ZNF668: variants seen among roughly 807,000 people sequenced by gnomAD.
ZNF668 encodes zinc finger protein 668.
In ZNF668, 10 loss-of-function variants were observed where a neutral mutation model predicts 40.3. The observed-to-expected ratio is 0.25, with a 90% CI of 0.15 to 0.42. The LOEUF is 0.42. Among genes scored for constraint, ZNF668 ranks in the 10% least tolerant of loss-of-function variants. The pLI is 1.00. For synonymous variants in ZNF668, 428 were observed against 384.6 expected (o/e 1.11, Z -1.32); for missense variants, 749 against 904.6 (o/e 0.83, Z 2.21).
chr16:31,063,203 G>A (rs1329417395), intron 2 of ZNF668, among the ~76,000 whole-genome samples: 1 of 152,060 alleles, frequency 6.6e-6, no homozygotes, highest in African/African-American at 2.4e-5. Flanking sequence ...CCTGACCATA[G>A]CTCACTGCAG....
chr16:31,064,825 C>T, intron 1 of ZNF668: 3 of 1,453,014 alleles, frequency 2.1e-6, no homozygotes, highest in Non-Finnish European at 1.8e-6. Flanking sequence ...GCTCAGTGTC[C>T]AAGAACTATG....
In ZNF668 at chr16:31,065,921, T is replaced by C. The variant is rs537438125; in HGVS notation, c.-22-1440A>G. On this transcript the variant is annotated intron_variant, in intron 1 of 2. Coordinates refer to ENST00000300849, the MANE Select transcript of ZNF668 (RefSeq NM_024706.5). Reference sequence around the variant, plus strand: ...TTAGGGGTTGGTGGCTTCTAAGTTATGACACTGGGGTTCAGGAGGAGGAAA... The same window carrying C: ...TTAGGGGTTGGTGGCTTCTAAGTTACGACACTGGGGTTCAGGAGGAGGAAA... 2.3e-5 allele frequency: 14 copies of C among 613,914 alleles called. No individual in the cohort carries two copies. In the African/African-American group the frequency reaches 2.4e-4, roughly 11 times the overall value. The allele number at this position is 613,914 out of a possible 1,614,324, so 38.0% of individuals were successfully genotyped here.
Position 31,061,027 on chromosome 16 carries a change from G to T in ZNF668, c.*41C>A, listed in dbSNP as rs781230042. ...AGGAGGTACAGGAAGCCCCCGATGG[G>T]GGCTGGGCTCCCGGAGTGTGGTGCT... On this transcript the variant is annotated 3_prime_UTR_variant, in exon 3 of 3. Coordinates refer to ENST00000300849, the MANE Select transcript of ZNF668 (RefSeq NM_024706.5). This position sits in a 1 kb window ranked among gnomAD's most constrained non-coding sequence, Gnocchi z 7.7. 2 of 1,442,854 alleles carry T rather than the reference G, an allele frequency of 1.4e-6. No homozygotes were observed. The highest frequency in any genetic ancestry group is 1.8e-6 in the Non-Finnish European group (2 of 1,096,794). 89.4% of individuals were successfully genotyped at this position (1,442,854 alleles called of 1,614,324 possible).
chr16:31,066,502 A>C (rs2056982526), intron 1 of ZNF668: 1 of 401,088 alleles, frequency 2.5e-6, no homozygotes, highest in African/African-American at 2.2e-5. Context: ...GGCTGCAGGG[A>C]ACTATGATCG....
rs1463088982 is a variant in ZNF668 at position 31,070,599 on chromosome 16, G to T, written c.-23+3060C>A. 4.0e-5 allele frequency among the ~76,000 whole-genome samples: 6 copies of T among 151,804 alleles called. No homozygotes were observed. In the South Asian group the frequency reaches 1.2e-3, roughly 32 times the overall value. On this transcript the variant is annotated intron_variant, in intron 1 of 2. Coordinates refer to ENST00000300849, the MANE Select transcript of ZNF668 (RefSeq NM_024706.5). ...CTTGTTGCCAAGGCTGGAGTGCAAT[G>T]GCACCATCTCTGCTCACTCCAACCT... is the stretch of plus-strand genomic sequence containing the variant.
rs9924515 is a variant in ZNF668, at chr16:31,064,981, T to C, written c.-22-500A>G. The C allele has an allele frequency of 1.1e-3, 1,354 of 1,227,632 alleles. 16 individuals carry two copies. The African/African-American group carries it at 0.02, about 18-fold the overall frequency. The allele number at this position is 1,227,632 out of a possible 1,614,324, so 76.0% of individuals were successfully genotyped here. A position where few individuals can be genotyped will look rare whatever the true frequency, so the allele number is the denominator to read the frequency against. On this transcript the variant is annotated intron_variant, in intron 1 of 2. Transcript: ENST00000300849. ...TCTGGAAGTGACAGGTCCCCAGCAT[T>C]TGTGTTTTCTTTCCTCCTCTGGATG...
chr16:31,067,035 T>C (rs1218626770), intron 1 of ZNF668, among the ~76,000 whole-genome samples: 1 of 152,030 alleles, frequency 6.6e-6, no homozygotes, highest in African/African-American at 2.4e-5. Context: ...CTGGGCGATA[T>C]AGCAAAATCC....
At chr16:31,066,453 A>T (rs2056982237) in intron 1 of ZNF668, 2 of 856,070 alleles carry the variant, frequency 2.3e-6, no homozygotes, top group Non-Finnish European at 2.8e-6. Context: ...GCTACGTGGG[A>T]GGCTGAGGCG....
intron 1 of ZNF668, chr16:31,069,109 C>T (rs901227034): frequency 1.3e-5 from 2 of 152,194 alleles, no homozygotes; most frequent in Non-Finnish European, 2.9e-5. Flanking sequence ...CAGGTTGAAT[C>T]ATGAGACTTC....
At chr16:31,073,313 G>A (rs2143786283) in intron 1 of ZNF668, 1 of 152,572 alleles carries the variant, frequency 6.6e-6, no homozygotes, top group Non-Finnish European at 1.5e-5. Context: ...AGCAGGGGAG[G>A]GGGCCGCCGG....
At position 31,064,207 on chromosome 16, in the gene ZNF668, C is replaced by T; in HGVS notation, c.253G>A (p.Ala85Thr). ...SGSAAKPRPY[A>T]CPLCPKAYKT... ...TAGGCCTTGGGGCATAGCGGACACGCATAGGGCCTAGGCTTGGCCGCGGAG... is the reference window on the plus strand; with the variant it reads ...TAGGCCTTGGGGCATAGCGGACACGTATAGGGCCTAGGCTTGGCCGCGGAG... The change falls in exon 2 of 3, where the codon GCG becomes ACG. Residue 85 changes from alanine to threonine, a missense_variant. Coordinates refer to ENST00000300849, the MANE Select transcript of ZNF668 (RefSeq NM_024706.5). The T allele has an allele frequency of 6.2e-7, 1 of 1,612,970 alleles. No individual in the cohort carries two copies.
chr16:31,064,921 C>T (rs1234231830), intron 1 of ZNF668: 98 of 1,383,586 alleles, frequency 7.1e-5, no homozygotes, highest in Non-Finnish European at 8.6e-5. Flanking sequence ...CAGAAAAGGG[C>T]TGAGCCAATG....
chr16:31,061,398 G>A lies in ZNF668; in HGVS notation c.1530C>T (p.Asp510=), dbSNP rs1265366548. The part of the protein sequence containing the change: ...GAGEAGGEEA[D]EKPPQFVCRE... ...GGCACACAAACTGGGGGGGCTTCTC[G>A]TCAGCCTCCTCACCCCCCGCCTCGC... Residue 510 remains aspartate (D), a synonymous_variant, in exon 3 of 3, where the codon GAC becomes GAT. Coordinates refer to ENST00000300849, the MANE Select transcript of ZNF668 (RefSeq NM_024706.5). The surrounding 1 kb of genome is among the most constrained non-coding windows in gnomAD (Gnocchi z 7.7). 1.9e-6 allele frequency: 3 copies of A among 1,613,818 alleles called. No individual in the cohort carries two copies. The highest frequency in any genetic ancestry group is 2.2e-5 in the East Asian group (1 of 44,886).
At chr16:31,073,310 GA>G in intron 1 of ZNF668, 1 of 152,620 alleles carries the variant, frequency 6.6e-6, no homozygotes, top group Non-Finnish European at 1.5e-5. Context: ...CTCAGCAGGG[GA>G]GGGGGCCGCC....
chr16:31,071,785 A>T (rs1350949959), intron 1 of ZNF668, among the ~76,000 whole-genome samples: 1 of 152,176 alleles, frequency 6.6e-6, no homozygotes, highest in Non-Finnish European at 1.5e-5. Flanking sequence ...TTATGGTGTC[A>T]TCTGGACAAT....
intron 1 of ZNF668, chr16:31,064,788 C>T (rs1242774275): frequency 6.8e-7 from 1 of 1,478,758 alleles, no homozygotes; most frequent in Non-Finnish European, 8.9e-7. Context: ...GCCCAGGTTC[C>T]ATCTGTCTCA....
intron 1 of ZNF668, among the ~76,000 whole-genome samples, chr16:31,065,862 A>T (rs907566549): frequency 6.6e-6 from 1 of 151,896 alleles, no homozygotes; most frequent in Non-Finnish European, 1.5e-5. Context: ...TCAAAAAAAA[A>T]AAAATAAAAA....
In ZNF668 at chr16:31,063,848, G is replaced by T. The variant is rs1445716818; in HGVS notation, c.612C>A (p.Ala204=). 1.3e-6 allele frequency: 2 copies of T among 1,592,248 alleles called. No individual in the cohort carries two copies. Residue 204 remains alanine (A), a synonymous_variant, in exon 2 of 3, where the codon GCC becomes GCA. Coordinates refer to ENST00000300849, the MANE Select transcript of ZNF668 (RefSeq NM_024706.5). ...RPYSCERCGK[A]YAELKDLRNH... is the part of the protein sequence containing the mutation. ...TGCGGAGGTCCTTGAGCTCCGCATA[G>T]GCTTTGCCGCAACGCTCACAGCTGT...
chr16:31,065,984 G>C, intron 1 of ZNF668: 6 of 979,128 alleles, frequency 6.1e-6, no homozygotes, highest in Non-Finnish European at 7.3e-6. Context: ...GAAATACAGA[G>C]ACTCAGGGCC....
Sources: allele counts gnomAD v4.1 joint callset (sites outside exome capture counted in the v4.1 genomes callset), GRCh38; gene constraint gnomAD v4.1.1; non-coding constraint Gnocchi (gnomAD v3.1); transcripts MANE v1.5; gene names NCBI Gene and HGNC (gene_info 2026-07-23, HGNC 2026-07-21).